Variants in NOVA1 observed in about 807,000 individuals in gnomAD.
NOVA1 encodes NOVA alternative splicing regulator 1.
A neutral mutation model predicts 38.0 loss-of-function variants in NOVA1; 7 were observed. The ratio of observed to expected loss-of-function variants is 0.18; its 90% confidence interval spans 0.10 to 0.35. NOVA1 has a LOEUF of 0.35. Among genes scored for constraint, NOVA1 ranks in the 10% least tolerant of loss-of-function variants. The probability of loss-of-function intolerance (pLI) is 1.00; values close to 1 mark genes in which losing one functional copy is unlikely to be tolerated. For missense variants in NOVA1, 460 were observed against 616.0 expected (o/e 0.75, Z 2.68); for synonymous variants, 270 against 232.5 (o/e 1.16, Z -1.47).
chr14:26,517,175 G>A (rs942467920), intron 2 of NOVA1, among the ~76,000 whole-genome samples: 1 of 152,078 alleles, frequency 6.6e-6, no homozygotes, highest in Non-Finnish European at 1.5e-5. Context: ...AAAATGCTGG[G>A]ATTACAGGTG....
chr14:26,495,667 C>T (rs960855625), intron 2 of NOVA1, among the ~76,000 whole-genome samples: 2 of 142,848 alleles, frequency 1.4e-5, no homozygotes, highest in Non-Finnish European at 3.0e-5. Context: ...CCACAACAGT[C>T]CCCAGAGTGT....
chr14:26,571,629 T>A (rs1892481093), intron 2 of NOVA1, among the ~76,000 whole-genome samples: 1 of 152,244 alleles, frequency 6.6e-6, no homozygotes, highest in Middle Eastern at 3.4e-3. Flanking sequence ...ACAACAGAGT[T>A]AACTAAGAAT....
Position 26,596,597 on chromosome 14 carries a change from T to C in NOVA1, c.136+704A>G, listed in dbSNP as rs531855546. Reference sequence around the variant, plus strand: ...CCTCTGCTTCGATGCATTGGGTGCATTGTTAAGATGATTCCAGTGCAAATG... The same window carrying C: ...CCTCTGCTTCGATGCATTGGGTGCACTGTTAAGATGATTCCAGTGCAAATG... On this transcript the variant is annotated intron_variant, in intron 1 of 4. Transcript: ENST00000539517. 8 of 1,289,122 alleles carry C rather than the reference T, an allele frequency of 6.2e-6. No individual in the cohort carries two copies. The Admixed American group carries it at 9.2e-5, about 15-fold the overall frequency. The allele number at this position is 1,289,122 out of a possible 1,614,324, so 79.9% of individuals were successfully genotyped here. A position where few individuals can be genotyped will look rare whatever the true frequency, so the allele number is the denominator to read the frequency against.
intron 2 of NOVA1, among the ~76,000 whole-genome samples, chr14:26,576,697 T>G (rs1892868303): frequency 6.6e-6 from 1 of 151,826 alleles, no homozygotes. Context: ...TTTTATATAA[T>G]CTAATGAACA....
At chr14:26,485,474 A>AT (rs1171254831) in intron 2 of NOVA1, among the ~76,000 whole-genome samples, 1 of 152,164 alleles carries the variant, frequency 6.6e-6, no homozygotes, top group Non-Finnish European at 1.5e-5. Context: ...TAATTTAACA[A>AT]TTTTTTTCTT....
intron 2 of NOVA1, among the ~76,000 whole-genome samples, chr14:26,492,024 G>A (rs1380412912): frequency 1.3e-5 from 2 of 151,500 alleles, no homozygotes; most frequent in African/African-American, 4.8e-5. Context: ...ACTTTGGGTA[G>A]TACTGATATT....
intron 4 of NOVA1, among the ~76,000 whole-genome samples, chr14:26,453,037 TC>T (rs1882835506): frequency 6.6e-6 from 1 of 152,116 alleles, no homozygotes; most frequent in Non-Finnish European, 1.5e-5. Context: ...TGAAGATATT[TC>T]CCTAATGGTC....
rs1881941481 is a variant in NOVA1 at position 26,444,748 on chromosome 14, T to G, written c.*3211A>C. 6.6e-6 allele frequency: 1 copy of G among 151,910 alleles called. No individual in the cohort carries two copies. Among genetic ancestry groups the G allele is most frequent in the Non-Finnish European group, 1.5e-5 (1 of 67,998 alleles). 9.4% of individuals were successfully genotyped at this position (151,910 alleles called of 1,614,324 possible). A position where few individuals can be genotyped will look rare whatever the true frequency, so the allele number is the denominator to read the frequency against. On this transcript the variant is annotated 3_prime_UTR_variant, in exon 5 of 5. Transcript: ENST00000539517. ...CTGGAAGTGCAGACGAAATTGGTCT[T>G]CAGTGCAAAGAGGAAGGCAGCCGTT...
At chr14:26,462,898 CTGTTA>C (rs903681287) in intron 4 of NOVA1, among the ~76,000 whole-genome samples, 1 of 152,138 alleles carries the variant, frequency 6.6e-6, no homozygotes, top group Non-Finnish European at 1.5e-5. Context: ...TTTGTATCCT[CTGTTA>C]TATTTTAAAA....
intron 2 of NOVA1, among the ~76,000 whole-genome samples, chr14:26,538,688 C>T (rs2138586443): frequency 6.6e-6 from 1 of 152,122 alleles, no homozygotes; most frequent in African/African-American, 2.4e-5. Context: ...GCCCCCCACT[C>T]CTTTCCCTTG....
At chr14:26,580,345 CTAAT>C (rs1350010422) in intron 2 of NOVA1, among the ~76,000 whole-genome samples, 1 of 152,010 alleles carries the variant, frequency 6.6e-6, no homozygotes, top group East Asian at 1.9e-4. Flanking sequence ...AAGACAGAGG[CTAAT>C]TAAGTTAATT....
chr14:26,571,406 A>G (rs1892463263), intron 2 of NOVA1, among the ~76,000 whole-genome samples: 1 of 152,220 alleles, frequency 6.6e-6, no homozygotes, highest in Non-Finnish European at 1.5e-5. Flanking sequence ...CTTAGATATC[A>G]GACTTAACGA....
chr14:26,540,049 G>T lies in NOVA1; in HGVS notation c.280+55361C>A, dbSNP rs536283844. 3.9e-5 allele frequency among the ~76,000 whole-genome samples: 6 copies of T among 152,182 alleles called. No individual in the cohort carries two copies. The East Asian group carries it at 5.8e-4, about 15-fold the overall frequency. On this transcript the variant is annotated intron_variant, in intron 2 of 4. Transcript: ENST00000539517. ...TTCCAAGGAAGCTTGTTTCCCATTTGTATTTTATCTCTGAAGGAACCACAA... is the reference window on the plus strand; with the variant it reads ...TTCCAAGGAAGCTTGTTTCCCATTTTTATTTTATCTCTGAAGGAACCACAA...
At chr14:26,595,578 C>G in intron 1 of NOVA1, 25 bp from the exon 2 acceptor site, 2 of 1,602,808 alleles carry the variant, frequency 1.2e-6, no homozygotes, top group Non-Finnish European at 1.7e-6. Flanking sequence ...GAAATATACT[C>G]GGTTAACACA....
At chr14:26,509,889 A>G (rs1887928108) in intron 2 of NOVA1, among the ~76,000 whole-genome samples, 1 of 152,186 alleles carries the variant, frequency 6.6e-6, no homozygotes, top group Non-Finnish European at 1.5e-5. Flanking sequence ...CATGTTGGTT[A>G]GGTTGGTCTC....
intron 2 of NOVA1, among the ~76,000 whole-genome samples, chr14:26,572,215 G>T (rs966407528): frequency 2.4e-4 from 36 of 152,018 alleles, no homozygotes; most frequent in African/African-American, 8.7e-4. Flanking sequence ...GAACATAAAG[G>T]GGAAGATTAA....
intron 2 of NOVA1, among the ~76,000 whole-genome samples, chr14:26,568,934 T>C (rs1892301701): frequency 6.6e-6 from 1 of 152,200 alleles, no homozygotes; most frequent in Non-Finnish European, 1.5e-5. Flanking sequence ...ATTTTCAGCA[T>C]GAATTCATAC....
intron 2 of NOVA1, among the ~76,000 whole-genome samples, chr14:26,591,781 T>C (rs1392025175): frequency 6.6e-6 from 1 of 151,630 alleles, no homozygotes; most frequent in East Asian, 1.9e-4. Context: ...CATTCTGCTC[T>C]TTTATGATTT....
intron 2 of NOVA1, among the ~76,000 whole-genome samples, chr14:26,523,876 G>A (rs1889091355): frequency 6.6e-6 from 1 of 150,812 alleles, no homozygotes; most frequent in Non-Finnish European, 1.5e-5. Context: ...TCAGCCTCCT[G>A]AGTAGCTGGG....
Sources: gnomAD v4.1 joint callset for allele counts (sites outside exome capture counted in the v4.1 genomes callset) on GRCh38, gnomAD v4.1.1 for gene constraint, MANE v1.5 for transcripts, NCBI Gene and HGNC (gene_info 2026-07-23, HGNC 2026-07-21) for gene names.